Variants in NGEF observed in about 807,000 individuals in gnomAD.
NGEF encodes neuronal guanine nucleotide exchange factor.
Under a neutral mutation model 80.9 loss-of-function variants are expected in NGEF, and 31 were observed. The ratio of observed to expected loss-of-function variants is 0.38; its 90% CI spans 0.29 to 0.52. The LOEUF (loss-of-function observed/expected upper bound fraction) is 0.52, where lower values mean the gene tolerates loss of function less well. Ranked by LOEUF, NGEF falls within the 20% of genes least tolerant of loss-of-function variation. NGEF has a pLI of 0.84. For synonymous variants in NGEF, 371 were observed against 370.2 expected (o/e 1.00, Z -0.03); for missense variants, 709 against 926.2 (o/e 0.77, Z 3.04).
At chr2:232,943,081 C>T (rs1453869749) in intron 3 of NGEF, among the ~76,000 whole-genome samples, 5 of 152,074 alleles carry the variant, frequency 3.3e-5, no homozygotes, top group South Asian at 2.1e-4. Flanking sequence ...TTATTTGTCA[C>T]GGAGTCAGTG....
chr2:232,884,316 CTGTGTGTG>C (rs148425185), intron 10 of NGEF, among the ~76,000 whole-genome samples, 172 bp from the exon 11 acceptor site: 2 of 151,242 alleles, frequency 1.3e-5, no homozygotes, highest in African/African-American at 4.9e-5. Flanking sequence ...GATGGCAGGG[CTGTGTGTG>C]TGTGTGTGAA....
At chr2:233,004,528 G>C (rs1172976242) in intron 1 of NGEF, among the ~76,000 whole-genome samples, 5 of 152,204 alleles carry the variant, frequency 3.3e-5, no homozygotes, top group African/African-American at 1.2e-4. Flanking sequence ...TTCTAGTGTG[G>C]AGTGCTTGTC....
chr2:232,985,807 C>T (rs1694521028), intron 1 of NGEF, among the ~76,000 whole-genome samples: 1 of 151,742 alleles, frequency 6.6e-6, no homozygotes, highest in East Asian at 1.9e-4. Context: ...GGTGTGGTGG[C>T]GGGCACCTGT....
At chr2:232,913,602 ACTCTTCTATTATTATTGTG>A (rs1332169210) in intron 5 of NGEF, among the ~76,000 whole-genome samples, 1 of 152,050 alleles carries the variant, frequency 6.6e-6, no homozygotes, top group East Asian at 1.9e-4. Flanking sequence ...ATATATACAG[ACTCTTCTATTATTATTGTG>A]GATTAAAATA....
chr2:232,974,653 T>C lies in NGEF; in HGVS notation c.238A>G (p.Asn80Asp). 1 of 1,614,222 alleles carries C rather than the reference T, an allele frequency of 6.2e-7. No individual in the cohort carries two copies. The highest frequency in any genetic ancestry group is 1.1e-5 in the South Asian group (1 of 91,074). Residue 80 changes from asparagine (N) to aspartate (D), a missense_variant, in exon 2 of 15, where the codon AAC (asparagine) becomes GAC (aspartate). Coordinates refer to ENST00000264051, the MANE Select transcript of NGEF (RefSeq NM_019850.3). Reference protein sequence around the residue: ...RRKSKAKARDNPERNASCLAD... With the variant: ...RRKSKAKARDDPERNASCLAD... ...AGGCAGCTGGCGTTCCGTTCGGGGT[T>C]GTCTCTGGCCTTGGCTTTGCTTTTG...
chr2:232,990,790 A>G (rs1330977984), intron 1 of NGEF, among the ~76,000 whole-genome samples: 1 of 152,110 alleles, frequency 6.6e-6, no homozygotes, highest in East Asian at 1.9e-4. Context: ...AACGAAAATT[A>G]TAGTCCAACA....
chr2:232,905,539 A>C (rs1692484090), intron 5 of NGEF: 2 of 286,324 alleles, frequency 7.0e-6, no homozygotes, highest in South Asian at 5.4e-5. Context: ...CTGGGAAGTG[A>C]GGAGCGTCTC....
intron 2 of NGEF, among the ~76,000 whole-genome samples, chr2:232,974,125 A>C (rs1282115110): frequency 6.6e-6 from 1 of 152,244 alleles, no homozygotes; most frequent in Admixed American, 6.5e-5. Context: ...TTTTGAGCAG[A>C]TAAAATGTGC....
intron 5 of NGEF, among the ~76,000 whole-genome samples, chr2:232,910,158 G>A (rs928324424): frequency 6.6e-6 from 1 of 152,026 alleles, no homozygotes; most frequent in Non-Finnish European, 1.5e-5. Flanking sequence ...GGCCAACGAT[G>A]CTGCTAGACC....
At chr2:232,933,251 G>T (rs7576229) in intron 3 of NGEF, among the ~76,000 whole-genome samples, 3 of 152,110 alleles carry the variant, frequency 2.0e-5, no homozygotes, top group African/African-American at 7.3e-5. Flanking sequence ...TTGCAGGAGA[G>T]ATTAAACATT....
chr2:232,901,337 G>A (rs1039068893), intron 5 of NGEF: 9 of 983,436 alleles, frequency 9.2e-6, no homozygotes, highest in Admixed American at 6.1e-5. Context: ...TCGAGGCTGC[G>A]CGATTTCTCC....
intron 3 of NGEF, among the ~76,000 whole-genome samples, chr2:232,944,241 A>G (rs1693503648): frequency 6.6e-6 from 1 of 152,148 alleles, no homozygotes; most frequent in Non-Finnish European, 1.5e-5. Context: ...CTGGGAAAAA[A>G]TTAAAAAAAA....
chr2:232,999,747 C>T (rs12470285), intron 1 of NGEF, among the ~76,000 whole-genome samples: 23,009 of 152,234 alleles, frequency 0.15, 1,962 homozygotes, highest in South Asian at 0.29. Context: ...GCAAGGCAGA[C>T]GCTACGTAAA....
Position 232,995,352 on chromosome 2 carries a change from T to C in NGEF, c.-75+17716A>G, listed in dbSNP as rs1211069720. ...CAGTATGTATACTATATACAGTATG[T>C]ATACTGTATACTGTATATATATACA... is the stretch of plus-strand genomic sequence containing the variant. On this transcript the variant is annotated intron_variant, in intron 1 of 14. Coordinates refer to ENST00000264051, the MANE Select transcript of NGEF (RefSeq NM_019850.3). Among the ~76,000 whole-genome samples, 2 of 10,168 alleles carry C rather than the reference T, an allele frequency of 2.0e-4. 1 individual carries two copies. Among genetic ancestry groups the C allele is most frequent in the Non-Finnish European group, 3.2e-4 (2 of 6,310 alleles). 6.7% of individuals were successfully genotyped at this position (10,168 alleles called of 152,430 possible).
chr2:232,919,898 G>A (rs778713421), intron 5 of NGEF, among the ~76,000 whole-genome samples: 7 of 152,168 alleles, frequency 4.6e-5, no homozygotes, highest in Non-Finnish European at 8.8e-5. Context: ...AAGAGATATG[G>A]CAGACCTCCG....
rs762643427 is a variant in NGEF at position 233,013,151 on chromosome 2, C to T, written c.-158G>A. ...CCTGTCCTGTCCAGGCACCTGCGAGCAGGATGGTGTGTCCCCGGCTAAATC... is the reference window on the plus strand; with the variant it reads ...CCTGTCCTGTCCAGGCACCTGCGAGTAGGATGGTGTGTCCCCGGCTAAATC... On this transcript the variant is annotated 5_prime_UTR_variant, in exon 1 of 15. Coordinates refer to ENST00000264051, the MANE Select transcript of NGEF (RefSeq NM_019850.3). 1.9e-5 allele frequency: 9 copies of T among 471,164 alleles called. No individual in the cohort carries two copies. Among genetic ancestry groups the T allele is most frequent in the African/African-American group, 1.6e-4 (8 of 50,066 alleles). The allele number at this position is 471,164 out of a possible 1,614,324, so 29.2% of individuals were successfully genotyped here.
chr2:232,977,210 C>T (rs1694313597), intron 1 of NGEF, among the ~76,000 whole-genome samples: 2 of 152,072 alleles, frequency 1.3e-5, no homozygotes, highest in African/African-American at 2.4e-5. Context: ...GGGACCCCTG[C>T]ACTTGCTCCA....
At chr2:232,928,735 C>T (rs1377156086) in intron 3 of NGEF, among the ~76,000 whole-genome samples, 1 of 152,228 alleles carries the variant, frequency 6.6e-6, no homozygotes, top group Non-Finnish European at 1.5e-5. Context: ...GAGCCACGCT[C>T]AGCTACGCAC....
chr2:232,948,438 T>C (rs1214162752), intron 3 of NGEF, among the ~76,000 whole-genome samples: 1 of 152,122 alleles, frequency 6.6e-6, no homozygotes, highest in Non-Finnish European at 1.5e-5. Context: ...GATGTCTTTA[T>C]TCTTAAAAGC....
Sources: gnomAD v4.1 joint callset for allele counts (sites outside exome capture counted in the v4.1 genomes callset) on GRCh38, gnomAD v4.1.1 for gene constraint, MANE v1.5 for transcripts, NCBI Gene and HGNC (gene_info 2026-07-23, HGNC 2026-07-21) for gene names.